Variants in WDR37 observed in about 807,000 individuals in gnomAD.
WDR37 encodes WD repeat-containing protein 37.
A neutral mutation model predicts 62.9 loss-of-function variants in WDR37; 19 were observed. That is an observed-to-expected ratio of 0.30 (90% confidence interval 0.21 to 0.44). WDR37 has a LOEUF of 0.44. Ranked by LOEUF, WDR37 falls within the 20% of genes least tolerant of loss-of-function variation. The pLI, the probability that WDR37 is intolerant of heterozygous loss-of-function variation, is 1.00. For synonymous variants in WDR37, 250 were observed against 260.9 expected (o/e 0.96, Z 0.40); for missense variants, 474 against 657.6 (o/e 0.72, Z 3.05).
In WDR37 at chr10:1,120,992, C is replaced by T. The variant is rs2131687211; in HGVS notation, c.1104-3226C>T. Among the ~76,000 whole-genome samples the T allele has an allele frequency of 1.3e-5, 2 of 152,238 alleles. 1 individual carries two copies. Among genetic ancestry groups the T allele is most frequent in the South Asian group, 4.2e-4 (2 of 4,812 alleles). On this transcript the variant is annotated intron_variant, in intron 11 of 13. Coordinates refer to ENST00000263150, the MANE Select transcript of WDR37 (RefSeq NM_014023.4). ...CGGCGAGGAGGTGCTGCACTGTCAG[C>T]TGGAGGAGCACGCTCGGCTGCCCCA...
At chr10:1,092,478 C>T (rs1834428632) in intron 7 of WDR37, among the ~76,000 whole-genome samples, 1 of 151,766 alleles carries the variant, frequency 6.6e-6, no homozygotes, top group Admixed American at 6.6e-5. Flanking sequence ...TCATGCCATT[C>T]TCCTGCCTCA....
Position 1,105,808 on chromosome 10 carries a change from C to T in WDR37, c.1103+541C>T, listed in dbSNP as rs1039345161. 1.3e-5 allele frequency among the ~76,000 whole-genome samples: 2 copies of T among 151,956 alleles called. No individual in the cohort carries two copies. Among genetic ancestry groups the T allele is most frequent in the African/African-American group, 2.4e-5 (1 of 41,360 alleles). On this transcript the variant is annotated intron_variant, in intron 11 of 13. Transcript: ENST00000263150. The surrounding 1 kb of genome is among the most constrained non-coding windows in gnomAD (Gnocchi z 5.3). ...AGTGTAAGGTCTTTTTTTTCTGAGA[C>T]GGAGTCTCGCTCTGTCGCCCAGGCT...
At chr10:1,095,796 C>T (rs1032591264) in intron 8 of WDR37, among the ~76,000 whole-genome samples, 5 of 152,274 alleles carry the variant, frequency 3.3e-5, no homozygotes, top group Admixed American at 6.5e-5. Flanking sequence ...AGATGAGTGT[C>T]GCTTTCCCGA....
At chr10:1,094,414 G>T (rs1419400099) in intron 8 of WDR37, among the ~76,000 whole-genome samples, 2 of 152,220 alleles carry the variant, frequency 1.3e-5, no homozygotes, top group Non-Finnish European at 2.9e-5. Flanking sequence ...CCAGCAACAG[G>T]TACTTCCAGT....
At chr10:1,126,298 C>A (rs111982964) in intron 13 of WDR37, among the ~76,000 whole-genome samples, 1 of 150,634 alleles carries the variant, frequency 6.6e-6, no homozygotes, top group Non-Finnish European at 1.5e-5. Context: ...CCCAGCTACT[C>A]GGGAGGCTGA....
intron 8 of WDR37, among the ~76,000 whole-genome samples, chr10:1,094,651 G>A (rs1204655183): frequency 3.9e-5 from 6 of 152,148 alleles, no homozygotes; most frequent in African/African-American, 1.4e-4. Context: ...GCAATTAGAC[G>A]TGTCCAGATT....
chr10:1,057,470 A>C (rs1348101675), intron 1 of WDR37, among the ~76,000 whole-genome samples: 3 of 152,082 alleles, frequency 2.0e-5, no homozygotes, highest in Non-Finnish European at 2.9e-5. Context: ...AAGAGTGGGG[A>C]TGGTCGGCTT....
chr10:1,058,388 G>A (rs1362784227), intron 1 of WDR37, among the ~76,000 whole-genome samples: 2 of 152,226 alleles, frequency 1.3e-5, no homozygotes, highest in East Asian at 3.9e-4. Context: ...TCCTCTTTTT[G>A]GGTAGCTATG....
chr10:1,123,252 G>T (rs893514546), intron 11 of WDR37, among the ~76,000 whole-genome samples: 1 of 152,220 alleles, frequency 6.6e-6, no homozygotes, highest in Non-Finnish European at 1.5e-5. Context: ...TTAAGATAAA[G>T]ATTGTGGTTA....
intron 1 of WDR37, among the ~76,000 whole-genome samples, chr10:1,071,123 G>A (rs772959372): frequency 1.6e-4 from 25 of 152,142 alleles, no homozygotes; most frequent in African/African-American, 5.6e-4. Context: ...TTTCCTTTAC[G>A]CTGATATATT....
chr10:1,071,822 TGC>T (rs1194632564), intron 1 of WDR37, among the ~76,000 whole-genome samples: 1 of 152,180 alleles, frequency 6.6e-6, no homozygotes, highest in Non-Finnish European at 1.5e-5. Flanking sequence ...GAGTAGACTG[TGC>T]CTGGGGAATT....
rs1245436063 is a variant in WDR37 at position 1,096,534 on chromosome 10, G to A, written c.726+288G>A. On this transcript the variant is annotated intron_variant, in intron 9 of 13. Transcript: ENST00000263150. ...GTAAGAGCAGAGCCAGAGGGCGGCC[G>A]TCTTTAAGGATGAGCCCGCACCAGA... is the stretch of plus-strand genomic sequence containing the variant. The A allele has an allele frequency of 4.9e-5, 21 of 424,686 alleles. No homozygotes were observed. In the East Asian group the frequency reaches 6.1e-4, roughly 12 times the overall value. The allele number at this position is 424,686 out of a possible 1,614,324, so 26.3% of individuals were successfully genotyped here. A position where few individuals can be genotyped will look rare whatever the true frequency, so the allele number is the denominator to read the frequency against.
intron 1 of WDR37, among the ~76,000 whole-genome samples, chr10:1,069,389 A>ATATTTTTTTTTTTTTTTTT: frequency 4.2e-5 from 4 of 95,806 alleles, no homozygotes; most frequent in Non-Finnish European, 7.6e-5. Flanking sequence ...ATATATATAT[A>ATATTTTTTTTTTTTTTTTT]TTTTTTTTTT....
chr10:1,114,476 GTT>G (rs1304657542), intron 11 of WDR37, among the ~76,000 whole-genome samples: 1 of 152,176 alleles, frequency 6.6e-6, no homozygotes, highest in African/African-American at 2.4e-5. Flanking sequence ...GACTGTTAGT[GTT>G]TTTTAGTGGT....
At chr10:1,072,358 C>T (rs962048896) in intron 2 of WDR37, 65 bp downstream of exon 2, 92 of 1,588,802 alleles carry the variant, frequency 5.8e-5, no homozygotes, top group Middle Eastern at 1.7e-4. Context: ...TCGCTCGTTT[C>T]CCCGGCTGGA....
intron 1 of WDR37, among the ~76,000 whole-genome samples, chr10:1,063,067 CAG>C (rs1833420545): frequency 6.9e-6 from 1 of 144,574 alleles, no homozygotes; most frequent in Admixed American, 7.0e-5. Context: ...GCCTGGGGAA[CAG>C]AGCGACACTC....
chr10:1,126,273 G>GC (rs1176767550), intron 13 of WDR37, among the ~76,000 whole-genome samples: 2 of 151,990 alleles, frequency 1.3e-5, no homozygotes, highest in African/African-American at 4.8e-5. Flanking sequence ...AGGCGTGGTG[G>GC]CGGGCGTCTG....
rs553997115 is a variant in WDR37, at chr10:1,084,322, G to C, written c.397-81G>C. The C allele has an allele frequency of 8.5e-5, 130 of 1,532,640 alleles. 1 individual carries two copies. The African/African-American group carries it at 1.6e-3, about 19-fold the overall frequency. The allele number at this position is 1,532,640 out of a possible 1,614,324, so 94.9% of individuals were successfully genotyped here. ...CAGTGATTTGTGCATTTTCCAAGAC[G>C]TCTTTTTCGTTTTCTCTTTCTTGAC... On this transcript the variant is annotated intron_variant, in intron 5 of 13. Coordinates refer to ENST00000263150, the MANE Select transcript of WDR37 (RefSeq NM_014023.4).
At chr10:1,129,181 G>C in intron 13 of WDR37, 32 bp from the exon 14 acceptor site, 1 of 1,606,530 alleles carries the variant, frequency 6.2e-7, no homozygotes, top group Non-Finnish European at 8.5e-7. Context: ...CGGGAATAAT[G>C]CACTGATTTT....
Sources: allele counts gnomAD v4.1 joint callset (sites outside exome capture counted in the v4.1 genomes callset), GRCh38; gene constraint gnomAD v4.1.1; non-coding constraint Gnocchi (gnomAD v3.1); transcripts MANE v1.5; gene names NCBI Gene and HGNC (gene_info 2026-07-23, HGNC 2026-07-21).